The following SPATA18 variants were observed in gnomAD, a reference collection of about 807,000 sequenced individuals.
SPATA18 encodes mitochondria-eating protein.
In SPATA18, 54 loss-of-function variants were observed where a neutral mutation model predicts 68.1. The ratio of observed to expected loss-of-function variants is 0.79; its 90% CI spans 0.64 to 0.99. The LOEUF is 0.99. Ranked by LOEUF, SPATA18 falls within the 50% of genes least tolerant of loss-of-function variation. The probability of loss-of-function intolerance (pLI) is 0.00; values close to 1 mark genes in which losing one functional copy is unlikely to be tolerated. For missense variants in SPATA18, 724 were observed against 681.1 expected (o/e 1.06, Z -0.70); for synonymous variants, 242 against 244.8 (o/e 0.99, Z 0.11).
In SPATA18 at chr4:52,077,041, G is replaced by A; in HGVS notation, c.1020+1G>A. On this transcript the variant is annotated splice_donor_variant, in intron 7 of 12. Transcript: ENST00000295213. LOFTEE classifies it high-confidence loss of function. ...GCGGATCATCTACATCGCCACAGTG[G>A]TATGTGACGCCTGCGGGACTCCCGG... 6.3e-7 allele frequency: 1 copy of A among 1,596,166 alleles called. No homozygotes were observed. Among genetic ancestry groups the A allele is most frequent in the Non-Finnish European group, 8.5e-7 (1 of 1,170,374 alleles).
intron 2 of SPATA18, 66 bp from the exon 3 acceptor site, chr4:52,060,716 G>A: frequency 1.5e-6 from 2 of 1,360,008 alleles, no homozygotes; most frequent in East Asian, 2.3e-5. Flanking sequence ...GTGCAGGTTA[G>A]TTACATATGT....
At position 52,094,907 on chromosome 4, in the gene SPATA18, T is replaced by C. The variant is rs563325698; in HGVS notation, c.*20T>C. 3.1e-6 allele frequency: 5 copies of C among 1,614,072 alleles called. No individual in the cohort carries two copies. Among genetic ancestry groups the C allele is most frequent in the Non-Finnish European group, 4.2e-6 (5 of 1,179,942 alleles). ...TTTTAAAAGCACCAGACCTGCTCCT[T>C]TGACCCAGTGCGTGGAAACAGCTGC... On this transcript the variant is annotated 3_prime_UTR_variant, in exon 13 of 13. Transcript: ENST00000295213.
chr4:52,052,611 G>GC lies in SPATA18; in HGVS notation c.87+827dup, dbSNP rs370076499. Among the ~76,000 whole-genome samples, 572 of 152,238 alleles carry GC rather than the reference G, an allele frequency of 3.8e-3. 3 individuals are homozygous for GC. Among genetic ancestry groups the GC allele is most frequent in the African/African-American group, 0.013 (549 of 41,534 alleles). ...CAAAAGAACTGTGGACCGGAAATTA[G>GC]CCCCCCCTTGTTTCTACATTTGGCT... is the stretch of plus-strand genomic sequence containing the variant. On this transcript the variant is annotated intron_variant, in intron 1 of 12. Coordinates refer to ENST00000295213, the MANE Select transcript of SPATA18 (RefSeq NM_145263.4).
chr4:52,092,385 AGACCATGG>A (rs1282834016), intron 11 of SPATA18, among the ~76,000 whole-genome samples: 2 of 152,204 alleles, frequency 1.3e-5, no homozygotes, highest in Non-Finnish European at 2.9e-5. Context: ...CAGGTTGCAA[AGACCATGG>A]GACAAGCGCA....
At chr4:52,052,488 C>T (rs374802897) in intron 1 of SPATA18, among the ~76,000 whole-genome samples, 3 of 152,116 alleles carry the variant, frequency 2.0e-5, no homozygotes, top group African/African-American at 7.2e-5. Flanking sequence ...TTCCCCCCTT[C>T]CCCCAAATAG....
At chr4:52,067,100 A>G (rs185609609) in intron 4 of SPATA18, among the ~76,000 whole-genome samples, 1 of 152,306 alleles carries the variant, frequency 6.6e-6, no homozygotes, top group Admixed American at 6.5e-5. Flanking sequence ...TGGTTGAACT[A>G]ATTTATATTT....
intron 1 of SPATA18, among the ~76,000 whole-genome samples, chr4:52,056,660 C>T (rs1323840983): frequency 6.6e-6 from 1 of 152,096 alleles, no homozygotes; most frequent in Middle Eastern, 3.2e-3. Flanking sequence ...GGGACCTTTA[C>T]TGGCACAGGT....
intron 1 of SPATA18, among the ~76,000 whole-genome samples, chr4:52,057,474 C>T (rs1578145360): frequency 6.6e-6 from 1 of 152,258 alleles, no homozygotes; most frequent in Non-Finnish European, 1.5e-5. Context: ...GATATTCTCT[C>T]CTGTTATTTA....
chr4:52,090,850 A>T (rs10866421), intron 11 of SPATA18, among the ~76,000 whole-genome samples: 74,428 of 151,270 alleles, frequency 0.49, 21,779 homozygotes, highest in Non-Finnish European at 0.66. Flanking sequence ...TTGGTTGGGG[A>T]ATATCTCCTG....
chr4:52,070,967 G>T (rs569141474), intron 5 of SPATA18, among the ~76,000 whole-genome samples: 1 of 151,926 alleles, frequency 6.6e-6, no homozygotes, highest in East Asian at 1.9e-4. Flanking sequence ...GATTTGGTCA[G>T]GAACACCCAC....
intron 6 of SPATA18, among the ~76,000 whole-genome samples, chr4:52,073,669 G>A (rs2109466026): frequency 6.6e-6 from 1 of 152,322 alleles, no homozygotes. Flanking sequence ...TCCTCTGGAG[G>A]CTGAGGCAGG....
In SPATA18 at chr4:52,078,808, A is replaced by C; in HGVS notation, c.1094A>C (p.Tyr365Ser). The C allele has an allele frequency of 6.2e-7, 1 of 1,609,840 alleles. No individual in the cohort carries two copies. Among genetic ancestry groups the C allele is most frequent in the Non-Finnish European group, 8.5e-7 (1 of 1,176,548 alleles). Residue 365 changes from tyrosine (Y) to serine (S), a missense_variant, in exon 8 of 13, where the codon TAT (tyrosine) becomes TCT (serine). Tyr to Ser is a moderately radical substitution (Grantham distance 144). Transcript: ENST00000295213. ...GTGAGAAAATCGTTGACACCATCTT[A>C]TGTGGGGTCGAATGACTTTGAGAAT... The part of the protein sequence containing the change: ...IHVRKSLTPS[Y>S]VGSNDFENAV...
Position 52,071,213 on chromosome 4 carries a change from T to G in SPATA18, c.519-704T>G, listed in dbSNP as rs115563707. On this transcript the variant is annotated intron_variant, in intron 5 of 12. Transcript: ENST00000295213. Reference sequence around the variant, plus strand: ...TACTAACTTTCTTATCTTCTTAATCTTACCTTTTCATTTTACACCCTTGTC... The same window carrying G: ...TACTAACTTTCTTATCTTCTTAATCGTACCTTTTCATTTTACACCCTTGTC... Among the ~76,000 whole-genome samples, 861 of 152,316 alleles carry G rather than the reference T, an allele frequency of 5.7e-3. 6 individuals carry two copies. Among genetic ancestry groups the G allele is most frequent in the African/African-American group, 0.02 (827 of 41,552 alleles).
intron 6 of SPATA18, among the ~76,000 whole-genome samples, chr4:52,073,853 A>T (rs1740084012): frequency 6.6e-6 from 1 of 152,202 alleles, no homozygotes; most frequent in Non-Finnish European, 1.5e-5. Flanking sequence ...TTTTCCAGAC[A>T]CATTAATGTA....
chr4:52,060,493 CTT>C lies in SPATA18; in HGVS notation c.164_165del (p.Phe55TrpfsTer13). On this transcript the variant is annotated frameshift_variant, in exon 2 of 13. Coordinates refer to ENST00000295213, the MANE Select transcript of SPATA18 (RefSeq NM_145263.4). LOFTEE classifies it high-confidence loss of function. ...EQVAKVQGQL[F>X]GILTAAAQEG... ...AAGTTGCCAAGGTGCAGGGACAACT[CTT>C]TGGGATCCTCACAGCAGCAGCCCAA... 2 of 1,614,024 alleles carry C rather than the reference CTT, an allele frequency of 1.2e-6. No individual in the cohort carries two copies. Among genetic ancestry groups the C allele is most frequent in the Non-Finnish European group, 8.5e-7 (1 of 1,179,956 alleles).
chr4:52,088,506 A>G (rs775921446), intron 11 of SPATA18, among the ~76,000 whole-genome samples: 10 of 152,016 alleles, frequency 6.6e-5, no homozygotes, highest in Non-Finnish European at 1.5e-4. Flanking sequence ...ATTTTATTGA[A>G]TTTATTGAAT....
chr4:52,060,624 C>T, intron 2 of SPATA18, 100 bp downstream of exon 2: 7 of 1,256,986 alleles, frequency 5.6e-6, no homozygotes, highest in Non-Finnish European at 8.0e-6. Context: ...TTGGGTTTCT[C>T]TCACTGACCT....
intron 1 of SPATA18, among the ~76,000 whole-genome samples, chr4:52,056,164 T>C (rs1345617553): frequency 1.3e-5 from 2 of 152,064 alleles, no homozygotes; most frequent in African/African-American, 4.8e-5. Flanking sequence ...CACTCTTTCC[T>C]CTCCCTGGTA....
intron 1 of SPATA18, among the ~76,000 whole-genome samples, chr4:52,059,011 A>G (rs527400470): frequency 6.6e-6 from 1 of 152,318 alleles, no homozygotes; most frequent in African/African-American, 2.4e-5. Flanking sequence ...ATAAATACAA[A>G]GTGAGTGAAT....
Sources: gnomAD v4.1 joint callset for allele counts (sites outside exome capture counted in the v4.1 genomes callset) on GRCh38, gnomAD v4.1.1 for gene constraint, MANE v1.5 for transcripts, NCBI Gene and HGNC (gene_info 2026-07-23, HGNC 2026-07-21) for gene names.